Variants in ERICH6B observed in about 807,000 individuals in gnomAD.
ERICH6B encodes glutamate rich 6B.
In ERICH6B, 69 loss-of-function variants were observed where a neutral mutation model predicts 80.0. The observed-to-expected ratio is 0.86, with a 90% CI of 0.71 to 1.05. ERICH6B has a LOEUF of 1.05. Ranked by LOEUF, ERICH6B falls within the 50% of genes least tolerant of loss-of-function variation. The pLI, the probability that ERICH6B is intolerant of heterozygous loss-of-function variation, is 0.00. For synonymous variants in ERICH6B, 283 were observed against 291.9 expected, an observed-to-expected ratio of 0.97 and a Z score of 0.31; for missense variants, 754 against 796.1, an observed-to-expected ratio of 0.95 and a Z score of 0.64.
intron 11 of ERICH6B, among the ~76,000 whole-genome samples, chr13:45,558,806 T>C (rs535375295): frequency 8.7e-4 from 133 of 152,200 alleles, no homozygotes; most frequent in Non-Finnish European, 1.7e-3. Flanking sequence ...TGGATTGTCT[T>C]TTTGATATGT....
intron 14 of ERICH6B, among the ~76,000 whole-genome samples, chr13:45,544,196 C>T: frequency 6.6e-6 from 1 of 152,178 alleles, no homozygotes; most frequent in East Asian, 1.9e-4. Context: ...CCTCAGTTTC[C>T]CGAGTAGCTG....
At chr13:45,590,077 G>T (rs1205938686) in intron 4 of ERICH6B, among the ~76,000 whole-genome samples, 1 of 152,118 alleles carries the variant, frequency 6.6e-6, no homozygotes, top group African/African-American at 2.4e-5. Flanking sequence ...CCTTTGGGGA[G>T]AAAGTGTAGG....
At chr13:45,603,992 C>T (rs1949842628) in intron 2 of ERICH6B, among the ~76,000 whole-genome samples, 3 of 152,246 alleles carry the variant, frequency 2.0e-5, no homozygotes, top group South Asian at 4.1e-4. Flanking sequence ...ATTCCTTCCA[C>T]CCTTCTGTGG....
At chr13:45,612,481 G>A (rs1949905239) in intron 1 of ERICH6B, among the ~76,000 whole-genome samples, 1 of 152,330 alleles carries the variant, frequency 6.6e-6, no homozygotes, top group East Asian at 1.9e-4. Flanking sequence ...GGAGATGATG[G>A]GGAGCTAGCA....
At chr13:45,548,968 T>C (rs1478747643) in intron 13 of ERICH6B, among the ~76,000 whole-genome samples, 1 of 152,082 alleles carries the variant, frequency 6.6e-6, no homozygotes, top group Non-Finnish European at 1.5e-5. Context: ...AAGAAGAAAG[T>C]ATAAAGTTGA....
At chr13:45,586,288 C>T (rs1875896718) in intron 5 of ERICH6B, among the ~76,000 whole-genome samples, 2 of 152,068 alleles carry the variant, frequency 1.3e-5, no homozygotes, top group African/African-American at 2.4e-5. Flanking sequence ...TTAGCAGCCA[C>T]GGATAGGGGC....
chr13:45,545,944 A>G (rs1873974346), intron 13 of ERICH6B, among the ~76,000 whole-genome samples: 1 of 152,244 alleles, frequency 6.6e-6, no homozygotes, highest in Admixed American at 6.5e-5. Context: ...CAAGGGGTTC[A>G]GTATTGGCCA....
chr13:45,592,785 C>T (rs1477856971), intron 3 of ERICH6B, among the ~76,000 whole-genome samples: 1 of 152,192 alleles, frequency 6.6e-6, no homozygotes, highest in African/African-American at 2.4e-5. Flanking sequence ...AGCCTGGAGG[C>T]TCCTCTACTG....
At chr13:45,576,598 T>C (rs959932884) in intron 7 of ERICH6B, among the ~76,000 whole-genome samples, 2 of 152,186 alleles carry the variant, frequency 1.3e-5, no homozygotes, top group Non-Finnish European at 2.9e-5. Context: ...GAGCAGGCTG[T>C]GGTGGAAGGT....
chr13:45,596,853 T>G lies in ERICH6B; in HGVS notation c.153A>C (p.Pro51=). The G allele has an allele frequency of 6.4e-7, 1 of 1,551,838 alleles. No individual in the cohort carries two copies. The highest frequency in any genetic ancestry group is 1.4e-5 in the African/African-American group (1 of 73,198). Residue 51 remains proline (P), a synonymous_variant, in exon 3 of 15, where the codon CCA becomes CCC. Coordinates refer to ENST00000298738, the MANE Select transcript of ERICH6B (RefSeq NM_182542.3). The stretch of plus-strand genomic sequence containing the variant: ...CTTTGTCCTCCAGAGACTCTCCCTC[T>G]GGAGAAAATGGAGATTCATCCTGTA... ...ESLQDESPFS[P]EGESLEDKEY... is the part of the protein sequence containing the mutation.
At chr13:45,563,566 G>A (rs1048437229) in intron 10 of ERICH6B, 161 bp downstream of exon 10, 13 of 691,022 alleles carry the variant, frequency 1.9e-5, no homozygotes, top group African/African-American at 1.6e-4. Context: ...TGCCATGCTC[G>A]GTATTTCATC....
In ERICH6B at chr13:45,587,175, G is replaced by A. The variant is rs564144924; in HGVS notation, c.744C>T (p.Phe248=). The change falls in exon 5 of 15, where the codon TTC becomes TTT. Residue 248 remains phenylalanine, a synonymous_variant. Transcript: ENST00000298738. Reference sequence around the variant, plus strand: ...ATTCAGAGACAGGAGAAGGGGTAGCGAAAGTCAACGGGACAGTCAAGAAGG... The same window carrying A: ...ATTCAGAGACAGGAGAAGGGGTAGCAAAAGTCAACGGGACAGTCAAGAAGG... ...VTTFLTVPLT[F]ATPSPVSESA... The A allele has an allele frequency of 5.3e-5, 82 of 1,551,664 alleles. No individual in the cohort carries two copies. Among genetic ancestry groups the A allele is most frequent in the East Asian group, 2.7e-4 (11 of 40,924 alleles).
chr13:45,574,943 G>C lies in ERICH6B; in HGVS notation c.962-13C>G. On this transcript the variant is annotated splice_polypyrimidine_tract_variant and intron_variant, in intron 7 of 14. Transcript: ENST00000298738. Reference sequence around the variant, plus strand: ...GCAAACTCCAGGACTTTCGATTTTGGAAGGAGCGTCGAAAGGAAGGGCATG... The same window carrying C: ...GCAAACTCCAGGACTTTCGATTTTGCAAGGAGCGTCGAAAGGAAGGGCATG... The C allele has an allele frequency of 6.5e-7, 1 of 1,540,168 alleles. No homozygotes were observed. Among genetic ancestry groups the C allele is most frequent in the Non-Finnish European group, 8.8e-7 (1 of 1,138,104 alleles).
At position 45,541,629 on chromosome 13, in the gene ERICH6B, C is replaced by T. The variant is rs1437217829; in HGVS notation, c.1924G>A (p.Ala642Thr). 1.3e-6 allele frequency: 2 copies of T among 1,551,472 alleles called. No homozygotes were observed. The highest frequency in any genetic ancestry group is 1.7e-6 in the Non-Finnish European group (2 of 1,147,014). The change falls in exon 15 of 15, where the codon GCA becomes ACA. Residue 642 changes from alanine to threonine, a missense_variant. Physicochemically the swap from Ala to Thr is moderately conservative, Grantham distance 58. Coordinates refer to ENST00000298738, the MANE Select transcript of ERICH6B (RefSeq NM_182542.3). ...SEMKKKTILE[A>T]EPGPTAQKIR... Reference sequence around the variant, plus strand: ...TTCTGGGCTGTTGGGCCGGGTTCTGCCTCCAGGATGGTTTTCTTCTTCATT... The same window carrying T: ...TTCTGGGCTGTTGGGCCGGGTTCTGTCTCCAGGATGGTTTTCTTCTTCATT...
chr13:45,564,867 G>A (rs776341550), intron 9 of ERICH6B, among the ~76,000 whole-genome samples: 19 of 152,160 alleles, frequency 1.2e-4, no homozygotes, highest in East Asian at 5.8e-4. Flanking sequence ...GGCACCCAAG[G>A]CCCTTTTGGG....
chr13:45,583,147 C>T (rs1338202945), intron 5 of ERICH6B, among the ~76,000 whole-genome samples: 1 of 152,224 alleles, frequency 6.6e-6, no homozygotes, highest in East Asian at 1.9e-4. Flanking sequence ...TTTTGTTGCA[C>T]TCTTTTCAGT....
intron 11 of ERICH6B, 86 bp downstream of exon 11, chr13:45,561,283 A>T: frequency 7.5e-7 from 1 of 1,324,524 alleles, no homozygotes. Context: ...TGTTCCTTAC[A>T]GCTCTCTGGT....
At chr13:45,592,979 T>C (rs1176464548) in intron 3 of ERICH6B, among the ~76,000 whole-genome samples, 1 of 152,148 alleles carries the variant, frequency 6.6e-6, no homozygotes, top group Non-Finnish European at 1.5e-5. Context: ...AGGTCTAGAC[T>C]CCACCGTGTG....
At chr13:45,544,422 A>T (rs1873909463) in intron 14 of ERICH6B, among the ~76,000 whole-genome samples, 1 of 152,076 alleles carries the variant, frequency 6.6e-6, no homozygotes, top group Non-Finnish European at 1.5e-5. Context: ...GGGTCTTGCT[A>T]TGTTGCCCAA....
Sources: allele counts gnomAD v4.1 joint callset (sites outside exome capture counted in the v4.1 genomes callset), GRCh38; gene constraint gnomAD v4.1.1; transcripts MANE v1.5; gene names NCBI Gene and HGNC (gene_info 2026-07-23, HGNC 2026-07-21).